The following MBNL1 variants were observed in gnomAD, a reference collection of about 807,000 sequenced individuals.
MBNL1 encodes the protein muscleblind like splicing regulator 1, also known as muscleblind-like protein 1.
A neutral mutation model predicts 42.2 loss-of-function variants in MBNL1; 8 were observed. The ratio of observed to expected loss-of-function variants is 0.19; its 90% confidence interval spans 0.11 to 0.34. The LOEUF is 0.34. MBNL1 is among the 10% of genes least tolerant of loss of function. The pLI is 1.00. For missense variants in MBNL1, 309 were observed against 495.3 expected (o/e 0.62, Z 3.57); for synonymous variants, 169 against 173.9 (o/e 0.97, Z 0.22).
chr3:152,268,883 C>T (rs1255910912), upstream of MBNL1: 5 of 453,960 alleles, frequency 1.1e-5, no homozygotes, highest in Non-Finnish European at 1.8e-5. Context: ...GCAGCAGCAG[C>T]GGAAGCCAGA....
chr3:152,351,006 G>C (rs1013899097), intron 2 of MBNL1, among the ~76,000 whole-genome samples: 2 of 152,008 alleles, frequency 1.3e-5, no homozygotes, highest in African/African-American at 4.8e-5. Flanking sequence ...TAGCTACCTA[G>C]GTGAACCTCA....
chr3:152,454,769 T>C (rs1267420078), intron 6 of MBNL1, among the ~76,000 whole-genome samples: 1 of 152,182 alleles, frequency 6.6e-6, no homozygotes, highest in Admixed American at 6.5e-5. Flanking sequence ...CCAGAAGTCT[T>C]GAAGGTCTAA....
chr3:152,272,038 T>TC lies in MBNL1; in HGVS notation c.-790+2946_-790+2947insC, dbSNP rs1385580230. Among the ~76,000 whole-genome samples, 849 of 95,664 alleles carry TC rather than the reference T, an allele frequency of 8.9e-3. 8 individuals are homozygous for TC. The highest frequency in any genetic ancestry group is 0.035 in the African/African-American group (805 of 23,104). The allele number at this position is 95,664 out of a possible 152,430, so 62.8% of individuals were successfully genotyped here. ...TACTAGATTAACTTCACCTGTTTCT[T>TC]TTCTCTCTCTCTCTCTCTCTCTCTC... On this transcript the variant is annotated intron_variant, in intron 1 of 9. Transcript: ENST00000324210.
chr3:152,424,403 A>C (rs1473839003), intron 3 of MBNL1, among the ~76,000 whole-genome samples: 1 of 152,196 alleles, frequency 6.6e-6, no homozygotes, highest in Non-Finnish European at 1.5e-5. Context: ...ACAACAAACC[A>C]CTGCTCAAGG....
intron 8 of MBNL1, 140 bp from the exon 9 acceptor site, chr3:152,459,131 T>C: frequency 2.2e-6 from 1 of 452,302 alleles, no homozygotes; most frequent in Non-Finnish European, 4.0e-6. Context: ...ATTAACTTAC[T>C]GTTATGTTGA....
intron 2 of MBNL1, among the ~76,000 whole-genome samples, chr3:152,347,353 CTT>C (rs969930128): frequency 6.6e-5 from 10 of 151,920 alleles, no homozygotes; most frequent in African/African-American, 2.4e-4. Context: ...TTAATTGACA[CTT>C]TAAAAAAATA....
intron 3 of MBNL1, among the ~76,000 whole-genome samples, chr3:152,428,589 G>A (rs1002374287): frequency 6.6e-5 from 10 of 152,164 alleles, no homozygotes; most frequent in Non-Finnish European, 1.3e-4. Flanking sequence ...AGAGCTATAA[G>A]GGAACATGTA....
intron 2 of MBNL1, among the ~76,000 whole-genome samples, chr3:152,346,253 G>A (rs1428519981): frequency 6.6e-6 from 1 of 152,058 alleles, no homozygotes; most frequent in Admixed American, 6.6e-5. Flanking sequence ...GTATAGTGCC[G>A]CTTTGGAAAA....
intron 2 of MBNL1, among the ~76,000 whole-genome samples, chr3:152,251,127 AG>A (rs769240079): frequency 5.9e-5 from 9 of 152,100 alleles, no homozygotes; most frequent in African/African-American, 1.2e-4. Context: ...AGATTTACAT[AG>A]CTACACTACT....
At chr3:152,323,128 T>C (rs1257554851) in intron 2 of MBNL1, among the ~76,000 whole-genome samples, 1 of 152,160 alleles carries the variant, frequency 6.6e-6, no homozygotes, top group Non-Finnish European at 1.5e-5. Flanking sequence ...TCTTTAACAT[T>C]ACATTTGCAT....
intron 2 of MBNL1, among the ~76,000 whole-genome samples, chr3:152,348,431 T>A (rs2094543149): frequency 6.6e-6 from 1 of 152,148 alleles, no homozygotes; most frequent in Admixed American, 6.6e-5. Flanking sequence ...GAAACAATAC[T>A]TATTTGAAAG....
At chr3:152,262,847 A>C (rs1475606251) in intron 2 of MBNL1, 1 of 152,248 alleles carries the variant, frequency 6.6e-6, no homozygotes. Flanking sequence ...TAAATAGATA[A>C]TATGTCAATT....
intron 2 of MBNL1, among the ~76,000 whole-genome samples, chr3:152,339,270 TTAAAA>T (rs991671805): frequency 6.6e-6 from 1 of 152,000 alleles, no homozygotes; most frequent in Admixed American, 6.6e-5. Flanking sequence ...GGGAAAAAAA[TTAAAA>T]TAAAAAAACT....
At chr3:152,456,596 C>T (rs1045809353) in intron 8 of MBNL1, among the ~76,000 whole-genome samples, 4 of 152,134 alleles carry the variant, frequency 2.6e-5, no homozygotes, top group South Asian at 4.1e-4. Flanking sequence ...CCAAAGTCGT[C>T]GCAGCTCCAT....
At chr3:152,268,881 A>G (rs1400248147), upstream of MBNL1, 1 of 453,902 alleles carries the variant, frequency 2.2e-6, no homozygotes, top group Non-Finnish European at 4.4e-6. Context: ...GCGCAGCAGC[A>G]GCGGAAGCCA....
intron 3 of MBNL1, among the ~76,000 whole-genome samples, chr3:152,424,454 C>T (rs1465246264): frequency 6.6e-6 from 1 of 151,688 alleles, no homozygotes; most frequent in African/African-American, 2.4e-5. Flanking sequence ...ACATTCCATG[C>T]ACATGGATAG....
chr3:152,333,225 C>T (rs186445984), intron 2 of MBNL1, among the ~76,000 whole-genome samples: 3 of 152,158 alleles, frequency 2.0e-5, no homozygotes, highest in East Asian at 3.9e-4. Context: ...TTAATGCCTC[C>T]GAAGATAAGA....
At position 152,447,641 on chromosome 3, in the gene MBNL1, C is replaced by G; in HGVS notation, c.829C>G (p.Pro277Ala). 1 of 1,613,396 alleles carries G rather than the reference C, an allele frequency of 6.2e-7. No homozygotes were observed. Among genetic ancestry groups the G allele is most frequent in the Non-Finnish European group, 8.5e-7 (1 of 1,179,534 alleles). ...ACAGGGAATTCCTCAAGCTGTACTT[C>G]CCCCATTACCAAAGAGGCCTGCTCT... The part of the protein sequence containing the change: ...AAMGIPQAVL[P>A]PLPKRPALEK... Residue 277 changes from proline to alanine, a missense_variant, in exon 6 of 10, where the codon CCC (proline) becomes GCC (alanine). Pro to Ala is a conservative substitution (Grantham distance 27, BLOSUM62 -1). Transcript: ENST00000324210.
chr3:152,422,118 TA>T (rs1451476817), intron 3 of MBNL1, among the ~76,000 whole-genome samples: 1 of 152,048 alleles, frequency 6.6e-6, no homozygotes, highest in Non-Finnish European at 1.5e-5. Context: ...ATCTCTCAAT[TA>T]AAAGACGCAG....
Sources: gnomAD v4.1 joint callset for allele counts (sites outside exome capture counted in the v4.1 genomes callset) on GRCh38, gnomAD v4.1.1 for gene constraint, MANE v1.5 for transcripts, NCBI Gene and HGNC (gene_info 2026-07-23, HGNC 2026-07-21) for gene names.